GALNT13: variants seen among roughly 807,000 people sequenced by gnomAD.
GALNT13 encodes polypeptide N-acetylgalactosaminyltransferase 13, also known as UDP-GalNAc:polypeptide N-acetylgalactosaminyltransferase 13.
In GALNT13, 28 loss-of-function variants were observed where a neutral mutation model predicts 64.2. The observed-to-expected ratio is 0.44, with a 90% confidence interval of 0.32 to 0.60. GALNT13 has a LOEUF of 0.60. Ranked by LOEUF, GALNT13 falls within the 20% of genes least tolerant of loss-of-function variation. The pLI is 0.05. For synonymous variants in GALNT13, 214 were observed against 224.6 expected (o/e 0.95, Z 0.42); for missense variants, 577 against 669.8 (o/e 0.86, Z 1.53).
chr2:154,164,552 A>T (rs1362820182), intron 4 of GALNT13, among the ~76,000 whole-genome samples: 1 of 152,132 alleles, frequency 6.6e-6, no homozygotes, highest in African/African-American at 2.4e-5. Context: ...CAGAGAAACA[A>T]CATATATAGG....
At chr2:154,028,493 T>G (rs1698128323) in intron 3 of GALNT13, among the ~76,000 whole-genome samples, 1 of 152,126 alleles carries the variant, frequency 6.6e-6, no homozygotes, top group African/African-American at 2.4e-5. Flanking sequence ...AGATGCACTT[T>G]TTAAAACGGC....
chr2:153,352,805 G>T, the GALNT13 span, among the ~76,000 whole-genome samples: 3 of 151,942 alleles, frequency 2.0e-5, no homozygotes, highest in African/African-American at 4.8e-5. Context: ...CTGTTCCATT[G>T]ATCTTTTTGT....
chr2:153,837,454 C>T, the GALNT13 span, among the ~76,000 whole-genome samples: 11 of 152,036 alleles, frequency 7.2e-5, no homozygotes, highest in African/African-American at 2.6e-4. Flanking sequence ...CATTCTGTTT[C>T]TATGAGTTCA....
At chr2:154,187,551 A>C (rs1188743596) in intron 4 of GALNT13, among the ~76,000 whole-genome samples, 3 of 152,066 alleles carry the variant, frequency 2.0e-5, no homozygotes, top group African/African-American at 7.2e-5. Flanking sequence ...GATTTGGGCT[A>C]GTCAGCTCAA....
intron 8 of GALNT13, among the ~76,000 whole-genome samples, chr2:154,269,321 A>C (rs916700264): frequency 6.6e-6 from 1 of 152,098 alleles, no homozygotes; most frequent in African/African-American, 2.4e-5. Flanking sequence ...AAATCATTTT[A>C]GACAAAAATC....
At chr2:153,457,437 T>C in the GALNT13 span, among the ~76,000 whole-genome samples, 1 of 152,216 alleles carries the variant, frequency 6.6e-6, no homozygotes, top group East Asian at 1.9e-4. Context: ...GACTATTATA[T>C]GATCAATATA....
the GALNT13 span, among the ~76,000 whole-genome samples, chr2:153,720,459 G>T: frequency 6.6e-6 from 1 of 150,688 alleles, no homozygotes; most frequent in East Asian, 1.9e-4. Context: ...AAGCTGGATG[G>T]AGAAGGATTT....
the GALNT13 span, among the ~76,000 whole-genome samples, chr2:153,218,488 T>C: frequency 6.6e-6 from 1 of 152,184 alleles, no homozygotes; most frequent in Non-Finnish European, 1.5e-5. Context: ...ACAGTATTTG[T>C]CCTTCCTTCC....
the GALNT13 span, among the ~76,000 whole-genome samples, chr2:153,378,291 GA>G: frequency 7.8e-6 from 1 of 127,782 alleles, no homozygotes; most frequent in East Asian, 2.1e-4. Context: ...TAGATAGATA[GA>G]TAGATAGATA....
chr2:154,456,058 A>G (rs574746326), downstream of GALNT13, among the ~76,000 whole-genome samples: 73 of 152,262 alleles, frequency 4.8e-4, no homozygotes, highest in Non-Finnish European at 8.7e-4. Context: ...AAACGAAAGT[A>G]AGCTGCTGCT....
the GALNT13 span, among the ~76,000 whole-genome samples, chr2:153,343,548 GATAAA>G: frequency 0.13 from 20,097 of 151,824 alleles, 1,446 homozygotes; most frequent in Non-Finnish European, 0.17. Context: ...TTAGAAAATA[GATAAA>G]ATAAAAAGTA....
At chr2:153,418,724 G>C in the GALNT13 span, among the ~76,000 whole-genome samples, 9 of 152,138 alleles carry the variant, frequency 5.9e-5, no homozygotes, top group Non-Finnish European at 8.8e-5. Flanking sequence ...CGGGCATGGT[G>C]GTGCATGCCT....
the GALNT13 span, among the ~76,000 whole-genome samples, chr2:153,364,705 A>T: frequency 3.3e-5 from 5 of 152,188 alleles, no homozygotes; most frequent in Middle Eastern, 3.2e-3. Context: ...TTCAAAGAGA[A>T]CTACAAACCA....
At chr2:153,820,114 T>C in the GALNT13 span, among the ~76,000 whole-genome samples, 2 of 152,274 alleles carry the variant, frequency 1.3e-5, no homozygotes, top group Middle Eastern at 3.4e-3. Flanking sequence ...CAAAATACAA[T>C]TGAAAGCTAG....
the GALNT13 span, among the ~76,000 whole-genome samples, chr2:153,370,312 C>T: frequency 1.3e-5 from 2 of 152,062 alleles, no homozygotes; most frequent in Non-Finnish European, 2.9e-5. Context: ...TATTTCCCAA[C>T]TCATCTTATG....
rs551397978 is a variant in GALNT13, at chr2:153,917,838, A to C, written c.-105+16831A>C. Among the ~76,000 whole-genome samples the C allele has an allele frequency of 3.9e-5, 6 of 152,144 alleles. No homozygotes were observed. In the South Asian group the frequency reaches 1.2e-3, roughly 32 times the overall value. On this transcript the variant is annotated intron_variant, in intron 2 of 12. Coordinates refer to ENST00000392825, the MANE Select transcript of GALNT13 (RefSeq NM_052917.4). ...GGAAACAAGGGTTCAACTGATAGAGAGGGAGGATAGAAGCAGAGAGAGAGA... is the reference window on the plus strand; with the variant it reads ...GGAAACAAGGGTTCAACTGATAGAGCGGGAGGATAGAAGCAGAGAGAGAGA...
the GALNT13 span, among the ~76,000 whole-genome samples, chr2:153,674,760 G>C: frequency 1.3e-5 from 2 of 151,996 alleles, no homozygotes; most frequent in African/African-American, 4.8e-5. Flanking sequence ...AGAGTGAACG[G>C]GCAACCTACA....
the GALNT13 span, among the ~76,000 whole-genome samples, chr2:153,183,978 T>C: frequency 6.6e-6 from 1 of 152,216 alleles, no homozygotes; most frequent in African/African-American, 2.4e-5. Context: ...TCATATGAAT[T>C]TTAAAATAGT....
chr2:153,454,837 T>G, the GALNT13 span, among the ~76,000 whole-genome samples: 6 of 152,252 alleles, frequency 3.9e-5, no homozygotes, highest in East Asian at 1.2e-3. Context: ...TTTGTAATAT[T>G]GTAACAACAG....
Sources: gnomAD v4.1 joint callset for allele counts (sites outside exome capture counted in the v4.1 genomes callset) on GRCh38, gnomAD v4.1.1 for gene constraint, MANE v1.5 for transcripts, NCBI Gene and HGNC (gene_info 2026-07-23, HGNC 2026-07-21) for gene names.